STMP1: variants seen among roughly 807,000 people sequenced by gnomAD.
STMP1 encodes the protein mitolamban.
A neutral mutation model predicts 7.0 loss-of-function variants in STMP1; 7 were observed. The observed-to-expected ratio is 1.01, with a 90% CI of 0.57 to 1.89. STMP1 has a LOEUF of 1.89. Among genes scored for constraint, STMP1 ranks in the 40% most tolerant of loss-of-function variants. The probability of loss-of-function intolerance (pLI) is 0.00; values close to 1 mark genes in which losing one functional copy is unlikely to be tolerated. For synonymous variants in STMP1, 19 were observed against 18.4 expected, an observed-to-expected ratio of 1.03 and a Z score of -0.08; for missense variants, 45 against 53.0, an observed-to-expected ratio of 0.85 and a Z score of 0.47.
intron 2 of STMP1, 129 bp downstream of exon 2, chr7:135,672,935 T>C (rs1320273620): frequency 4.1e-6 from 3 of 730,206 alleles, no homozygotes; most frequent in Admixed American, 2.6e-5. Flanking sequence ...CTCCTGAATA[T>C]TGTAGAATGG....
In STMP1 at chr7:135,675,574, TA is replaced by T. The variant is rs1795405012; in HGVS notation, c.*1410del. On this transcript the variant is annotated 3_prime_UTR_variant, in exon 3 of 3. Coordinates refer to ENST00000507606, the MANE Select transcript of STMP1 (RefSeq NM_001130929.2). ...TTATTAAGCATATCGATTCAGGGTA[TA>T]GCTATAAGATGAAGTCCTAAAAGTA... 6.6e-6 allele frequency: 1 copy of T among 152,214 alleles called. No homozygotes were observed. Among genetic ancestry groups the T allele is most frequent in the South Asian group, 2.1e-4 (1 of 4,832 alleles). 9.4% of individuals were successfully genotyped at this position (152,214 alleles called of 1,614,324 possible). A position where few individuals can be genotyped will look rare whatever the true frequency, so the allele number is the denominator to read the frequency against.
At chr7:135,667,116 T>G (rs1795302983) in intron 1 of STMP1, among the ~76,000 whole-genome samples, 1 of 152,276 alleles carries the variant, frequency 6.6e-6, no homozygotes, top group Non-Finnish European at 1.5e-5. Context: ...ATTTCCTCAG[T>G]GACTAATGTT....
At chr7:135,672,244 G>T (rs1401779799) in intron 1 of STMP1, among the ~76,000 whole-genome samples, 2 of 152,216 alleles carry the variant, frequency 1.3e-5, no homozygotes, top group African/African-American at 2.4e-5. Flanking sequence ...CTCCCAAAGT[G>T]CTGGGATATA....
At chr7:135,667,536 T>A (rs1795309911) in intron 1 of STMP1, among the ~76,000 whole-genome samples, 1 of 152,222 alleles carries the variant, frequency 6.6e-6, no homozygotes, top group African/African-American at 2.4e-5. Context: ...TAAATTGAGT[T>A]TTTTTGTGTC....
chr7:135,669,564 T>C (rs957968832), intron 1 of STMP1, among the ~76,000 whole-genome samples: 2 of 152,228 alleles, frequency 1.3e-5, no homozygotes, highest in Non-Finnish European at 2.9e-5. Flanking sequence ...AGTCCCTTAA[T>C]CAAAATCTTT....
chr7:135,675,271 A>G lies in STMP1; in HGVS notation c.*1106A>G, dbSNP rs904952100. On this transcript the variant is annotated 3_prime_UTR_variant, in exon 3 of 3. Transcript: ENST00000507606. ...TCCTGTTTGACAAGTTACTGTTACC[A>G]CTTCGCCTTATACTTTTGAGAAAGA... 2 of 152,082 alleles carry G rather than the reference A, an allele frequency of 1.3e-5. No homozygotes were observed. Among genetic ancestry groups the G allele is most frequent in the Admixed American group, 6.5e-5 (1 of 15,288 alleles). The allele number at this position is 152,082 out of a possible 1,614,324, so 9.4% of individuals were successfully genotyped here. A position where few individuals can be genotyped will look rare whatever the true frequency, so the allele number is the denominator to read the frequency against.
intron 1 of STMP1, among the ~76,000 whole-genome samples, chr7:135,663,430 C>T (rs1795257530): frequency 6.6e-6 from 1 of 151,928 alleles, no homozygotes; most frequent in Non-Finnish European, 1.5e-5. Context: ...CTGGAACCTC[C>T]GCCTCCCGGG....
intron 1 of STMP1, among the ~76,000 whole-genome samples, chr7:135,667,032 G>A (rs182513061): frequency 9.2e-5 from 14 of 152,234 alleles, no homozygotes; most frequent in East Asian, 3.9e-4. Context: ...CCAACATTTC[G>A]TGTAGCTCTT....
At chr7:135,671,708 T>C (rs1795358861) in intron 1 of STMP1, among the ~76,000 whole-genome samples, 1 of 152,222 alleles carries the variant, frequency 6.6e-6, no homozygotes, top group South Asian at 2.1e-4. Context: ...CCACCGGCCT[T>C]AAATGTCCTG....
At chr7:135,666,738 T>C (rs778317483) in intron 1 of STMP1, among the ~76,000 whole-genome samples, 3 of 152,276 alleles carry the variant, frequency 2.0e-5, no homozygotes, top group South Asian at 4.1e-4. Context: ...TTGTTTGTTA[T>C]GTTTATTTCT....
intron 2 of STMP1, 36 bp from the exon 3 acceptor site, chr7:135,674,055 G>T (rs993354035): frequency 1.5e-6 from 2 of 1,338,442 alleles, no homozygotes; most frequent in African/African-American, 2.9e-5. Flanking sequence ...TGATTAGGTA[G>T]ATGCAAAATT....
chr7:135,663,618 A>C (rs998426226), intron 1 of STMP1, among the ~76,000 whole-genome samples: 3 of 151,912 alleles, frequency 2.0e-5, no homozygotes, highest in African/African-American at 7.3e-5. Context: ...TGCTGGGATT[A>C]CAGGCGTGAG....
intron 1 of STMP1, among the ~76,000 whole-genome samples, chr7:135,664,672 A>G (rs1795274429): frequency 1.3e-5 from 2 of 152,238 alleles, no homozygotes; most frequent in Middle Eastern, 3.4e-3. Flanking sequence ...GCTGTCAATT[A>G]TATTCCTAGC....
intron 1 of STMP1, among the ~76,000 whole-genome samples, chr7:135,662,934 C>T (rs1795250046): frequency 6.6e-6 from 1 of 152,178 alleles, no homozygotes; most frequent in Admixed American, 6.5e-5. Context: ...TTTCGTAGTC[C>T]GCCCCCCTTT....
chr7:135,662,730 C>A (rs1473630385), intron 1 of STMP1, 136 bp downstream of exon 1: 5 of 1,020,914 alleles, frequency 4.9e-6, no homozygotes, highest in South Asian at 1.7e-5. Flanking sequence ...CGCGCCTGGT[C>A]GTCGCCTCGC....
intron 1 of STMP1, among the ~76,000 whole-genome samples, chr7:135,663,689 T>G (rs575630050): frequency 8.6e-4 from 131 of 151,526 alleles, no homozygotes; most frequent in African/African-American, 3.0e-3. Flanking sequence ...GGAGTCCCGC[T>G]CTGTCGCCAG....
chr7:135,670,962 T>G (rs73721678), intron 1 of STMP1, among the ~76,000 whole-genome samples: 23,358 of 152,258 alleles, frequency 0.15, 1,984 homozygotes, highest in East Asian at 0.19. Flanking sequence ...TTATTTTTTT[T>G]GAAAGTTTTT....
At position 135,674,179 on chromosome 7, in the gene STMP1, A is replaced by G. The variant is rs1230215481; in HGVS notation, c.*14A>G. ...CCTAGTGCATGAGACTGCCTCCAGC[A>G]CTGCCTTCAGGATATACTGATTCTA... On this transcript the variant is annotated 3_prime_UTR_variant, in exon 3 of 3. Coordinates refer to ENST00000507606, the MANE Select transcript of STMP1 (RefSeq NM_001130929.2). 2.0e-6 allele frequency: 3 copies of G among 1,538,312 alleles called. No individual in the cohort carries two copies.
chr7:135,670,302 T>C (rs1015105106), intron 1 of STMP1, among the ~76,000 whole-genome samples: 2 of 152,096 alleles, frequency 1.3e-5, no homozygotes, highest in East Asian at 3.9e-4. Flanking sequence ...CCATGTGATA[T>C]GGGGGAAGCA....
Sources: allele counts gnomAD v4.1 joint callset (sites outside exome capture counted in the v4.1 genomes callset), GRCh38; gene constraint gnomAD v4.1.1; transcripts MANE v1.5; gene names NCBI Gene and HGNC (gene_info 2026-07-23, HGNC 2026-07-21).